The following SYT17 variants were observed in gnomAD, a reference collection of about 807,000 sequenced individuals.
SYT17 encodes the protein synaptotagmin 17, also known as synaptotagmin-17.
A neutral mutation model predicts 46.7 loss-of-function variants in SYT17; 22 were observed. That is an observed-to-expected ratio of 0.47 (90% CI 0.34 to 0.67). The LOEUF (loss-of-function observed/expected upper bound fraction) is 0.67, where lower values mean the gene tolerates loss of function less well. Among genes scored for constraint, SYT17 ranks in the 30% least tolerant of loss-of-function variants. The probability of loss-of-function intolerance (pLI) is 0.01; values close to 1 mark genes in which losing one functional copy is unlikely to be tolerated. For synonymous variants in SYT17, 251 were observed against 248.4 expected, an observed-to-expected ratio of 1.01 and a Z score of -0.10; for missense variants, 519 against 612.8, an observed-to-expected ratio of 0.85 and a Z score of 1.62.
intron 7 of SYT17, among the ~76,000 whole-genome samples, chr16:19,228,967 T>C (rs564223362): frequency 6.6e-6 from 1 of 152,372 alleles, no homozygotes; most frequent in Admixed American, 6.5e-5. Context: ...CTTGTTTTCC[T>C]GTGTGGGAGG....
At chr16:19,185,878 T>G (rs2239975) in intron 5 of SYT17, among the ~76,000 whole-genome samples, 27,873 of 152,242 alleles carry the variant, frequency 0.18, 2,836 homozygotes, top group Middle Eastern at 0.3. Flanking sequence ...ATGTGTCGCC[T>G]TCCAGTGCAC....
intron 7 of SYT17, among the ~76,000 whole-genome samples, chr16:19,235,065 G>T (rs908072908): frequency 2.0e-5 from 3 of 152,172 alleles, no homozygotes; most frequent in African/African-American, 4.8e-5. Context: ...GCAAGACCTG[G>T]CAGTAGGCAC....
At chr16:19,258,175 A>G (rs1968713373) in intron 7 of SYT17, among the ~76,000 whole-genome samples, 1 of 152,100 alleles carries the variant, frequency 6.6e-6, no homozygotes, top group South Asian at 2.1e-4. Flanking sequence ...TGGAGCAGTG[A>G]GTGATCTCCC....
intron 5 of SYT17, among the ~76,000 whole-genome samples, chr16:19,197,844 T>A (rs1965313666): frequency 6.6e-6 from 1 of 152,232 alleles, no homozygotes; most frequent in Non-Finnish European, 1.5e-5. Flanking sequence ...GTTGAGTGAC[T>A]TGTCCAATGT....
At chr16:19,169,332 C>A (rs1275981884) in intron 1 of SYT17, among the ~76,000 whole-genome samples, 20 of 110,542 alleles carry the variant, frequency 1.8e-4, no homozygotes, top group African/African-American at 5.1e-4. Context: ...GGGGAGGGGG[C>A]GGAGGGGTGG....
Position 19,183,781 on chromosome 16 carries a change from C to T in SYT17, c.585C>T (p.Asp195=), listed in dbSNP as rs1315066793. 4 of 1,614,128 alleles carry T rather than the reference C, an allele frequency of 2.5e-6. No individual in the cohort carries two copies. Among genetic ancestry groups the T allele is most frequent in the South Asian group, 2.2e-5 (2 of 91,090 alleles). The change falls in exon 5 of 8, where the codon GAC becomes GAT. Residue 195 remains aspartate (D), a synonymous_variant. Transcript: ENST00000355377. This position sits in a 1 kb window ranked among gnomAD's most constrained non-coding sequence, Gnocchi z 5.6. ...TGCTGCACTTCAGCACTCAGTACGACCTGCTGCACAACCACCTCACCGTGC... is the reference window on the plus strand; with the variant it reads ...TGCTGCACTTCAGCACTCAGTACGATCTGCTGCACAACCACCTCACCGTGC... ...LGMLHFSTQY[D]LLHNHLTVRV... is the part of the protein sequence containing the mutation.
intron 7 of SYT17, chr16:19,249,896 C>G: frequency 6.5e-7 from 1 of 1,528,436 alleles, no homozygotes; most frequent in Non-Finnish European, 8.7e-7. Context: ...GTCTTGCTCA[C>G]TCCCTTGTCC....
chr16:19,227,049 T>C (rs547065103), intron 7 of SYT17, among the ~76,000 whole-genome samples: 24 of 152,284 alleles, frequency 1.6e-4, no homozygotes, highest in African/African-American at 5.3e-4. Context: ...CTGGGCAAGA[T>C]CTGCGTGCTT....
chr16:19,239,904 G>A (rs1195199442), intron 7 of SYT17, among the ~76,000 whole-genome samples: 2 of 152,240 alleles, frequency 1.3e-5, no homozygotes, highest in African/African-American at 4.8e-5. Context: ...CACACCAGCT[G>A]CTGCAGTGGG....
At chr16:19,239,256 A>T (rs1966911683) in intron 7 of SYT17, among the ~76,000 whole-genome samples, 1 of 151,956 alleles carries the variant, frequency 6.6e-6, no homozygotes, top group Non-Finnish European at 1.5e-5. Flanking sequence ...CAGCCTGGAC[A>T]ACAGAGCAAG....
chr16:19,196,441 C>T (rs1965248587), intron 5 of SYT17, among the ~76,000 whole-genome samples: 1 of 152,072 alleles, frequency 6.6e-6, no homozygotes, highest in African/African-American at 2.4e-5. Flanking sequence ...CAAGGTTTCA[C>T]CATGTTGGCC....
intron 5 of SYT17, among the ~76,000 whole-genome samples, chr16:19,205,459 A>C (rs1229339455): frequency 7.0e-6 from 1 of 143,634 alleles, no homozygotes; most frequent in African/African-American, 2.7e-5. Flanking sequence ...TTTTCTTTTG[A>C]GACAAGGTCT....
chr16:19,210,474 ATTTTTTTTTAAAGGGTAT>A (rs1384828088), intron 5 of SYT17, among the ~76,000 whole-genome samples: 26 of 137,450 alleles, frequency 1.9e-4, no homozygotes, highest in South Asian at 6.9e-4. Flanking sequence ...TTAAAAGGGT[ATTTTTTTTTAAAGGGTAT>A]TTTTTTTTTT....
intron 7 of SYT17, among the ~76,000 whole-genome samples, chr16:19,263,526 G>A (rs1223579599): frequency 4.6e-5 from 7 of 151,498 alleles, no homozygotes; most frequent in African/African-American, 1.7e-4. Context: ...CCTGTACCCA[G>A]CTACTTGGGA....
Position 19,267,123 on chromosome 16 carries a change from A to AAAG in SYT17, c.*47_*48insAAG. 1 of 1,456,422 alleles carries AAAG rather than the reference A, an allele frequency of 6.9e-7. No individual in the cohort carries two copies. The highest frequency in any genetic ancestry group is 9.1e-7 in the Non-Finnish European group (1 of 1,093,638). 90.2% of individuals were successfully genotyped at this position (1,456,422 alleles called of 1,614,324 possible). A position where few individuals can be genotyped will look rare whatever the true frequency, so the allele number is the denominator to read the frequency against. ...TCATTTGTTTAAAAAAAAAAAAAAA[A>AAAG]GACGGAAAAAAATGTGTCACATACT... On this transcript the variant is annotated 3_prime_UTR_variant, in exon 8 of 8. Transcript: ENST00000355377.
chr16:19,246,188 C>T (rs1967546577), intron 7 of SYT17, among the ~76,000 whole-genome samples: 2 of 151,932 alleles, frequency 1.3e-5, no homozygotes, highest in Admixed American at 1.3e-4. Context: ...ATCGGGGTTT[C>T]ACCATGTTGG....
At chr16:19,193,190 G>A (rs933514825) in intron 5 of SYT17, among the ~76,000 whole-genome samples, 1 of 152,198 alleles carries the variant, frequency 6.6e-6, no homozygotes, top group Admixed American at 6.5e-5. Context: ...GGTGTGCAGG[G>A]TGCACCCAAT....
At chr16:19,232,775 T>C (rs1235978077) in intron 7 of SYT17, among the ~76,000 whole-genome samples, 2 of 151,918 alleles carry the variant, frequency 1.3e-5, no homozygotes, top group African/African-American at 2.4e-5. Context: ...GAGGTTGCAG[T>C]GACCCGAGAT....
chr16:19,181,062 C>G (rs1035965344), intron 4 of SYT17, among the ~76,000 whole-genome samples: 1 of 152,208 alleles, frequency 6.6e-6, no homozygotes, highest in Non-Finnish European at 1.5e-5. Context: ...GCCAGGGTGT[C>G]TGCTACTCAG....
Sources: gnomAD v4.1 joint callset for allele counts (sites outside exome capture counted in the v4.1 genomes callset) on GRCh38, gnomAD v4.1.1 for gene constraint, Gnocchi (gnomAD v3.1) non-coding constraint, MANE v1.5 for transcripts, NCBI Gene and HGNC (gene_info 2026-07-23, HGNC 2026-07-21) for gene names.